The following ZBTB8A variants were observed in gnomAD, a reference collection of about 807,000 sequenced individuals.
The protein encoded by ZBTB8A is zinc finger and BTB domain containing 8A.
Under a neutral mutation model 37.8 loss-of-function variants are expected in ZBTB8A, and 19 were observed. The observed-to-expected ratio is 0.50, with a 90% CI of 0.35 to 0.74. ZBTB8A has a LOEUF of 0.74. Among genes scored for constraint, ZBTB8A ranks in the 30% least tolerant of loss-of-function variants. ZBTB8A has a pLI of 0.01. For synonymous variants in ZBTB8A, 181 were observed against 185.2 expected, an observed-to-expected ratio of 0.98 and a Z score of 0.19; for missense variants, 394 against 537.8, an observed-to-expected ratio of 0.73 and a Z score of 2.65.
chr1:32,576,440 T>A (rs540458884), intron 2 of ZBTB8A, among the ~76,000 whole-genome samples: 4 of 152,330 alleles, frequency 2.6e-5, no homozygotes, highest in South Asian at 4.1e-4. Context: ...GTTCATTTTT[T>A]TTTCTTTGAG....
At chr1:32,595,377 C>T (rs1467958252) in intron 4 of ZBTB8A, among the ~76,000 whole-genome samples, 154 bp downstream of exon 4, 1 of 152,044 alleles carries the variant, frequency 6.6e-6, no homozygotes, top group Non-Finnish European at 1.5e-5. Context: ...AAGCAATTCT[C>T]CTGCCTCAGC....
At chr1:32,569,539 G>A (rs1470168422) in intron 2 of ZBTB8A, among the ~76,000 whole-genome samples, 3 of 151,210 alleles carry the variant, frequency 2.0e-5, no homozygotes, top group East Asian at 1.9e-4. Flanking sequence ...AACTACAGGC[G>A]CCCGTCACCA....
chr1:32,559,795 TAAG>T (rs1379791717), intron 2 of ZBTB8A, among the ~76,000 whole-genome samples: 3 of 152,128 alleles, frequency 2.0e-5, no homozygotes, highest in African/African-American at 4.8e-5. Context: ...GTGGGGCCAT[TAAG>T]AGGTGATTGG....
intron 2 of ZBTB8A, among the ~76,000 whole-genome samples, chr1:32,566,632 C>T (rs957289236): frequency 2.0e-5 from 3 of 152,208 alleles, no homozygotes; most frequent in African/African-American, 4.8e-5. Context: ...TTAATCTATA[C>T]CTCATATGGT....
chr1:32,598,047 C>G (rs1447896060), intron 4 of ZBTB8A, among the ~76,000 whole-genome samples: 1 of 151,752 alleles, frequency 6.6e-6, no homozygotes, highest in Non-Finnish European at 1.5e-5. Context: ...AGCTACTACG[C>G]CCAGCCTAAT....
chr1:32,541,648 G>A (rs1644055606), intron 1 of ZBTB8A, among the ~76,000 whole-genome samples: 1 of 152,168 alleles, frequency 6.6e-6, no homozygotes. Flanking sequence ...TGTCTAGTGA[G>A]GGCTGCTCTT....
chr1:32,569,952 C>A (rs1034893950), intron 2 of ZBTB8A, among the ~76,000 whole-genome samples: 1 of 152,150 alleles, frequency 6.6e-6, no homozygotes, highest in Non-Finnish European at 1.5e-5. Flanking sequence ...CTTAAGAAAT[C>A]TTTGTCCACC....
intron 2 of ZBTB8A, among the ~76,000 whole-genome samples, chr1:32,567,994 T>G (rs2148230075): frequency 6.6e-6 from 1 of 151,156 alleles, no homozygotes. Context: ...ACAAAAAAAT[T>G]AGCCAAGTGT....
intron 2 of ZBTB8A, among the ~76,000 whole-genome samples, chr1:32,555,586 A>G (rs527450812): frequency 6.6e-6 from 1 of 152,272 alleles, no homozygotes; most frequent in African/African-American, 2.4e-5. Context: ...TAACACTGGC[A>G]TCTTTTCCCC....
At chr1:32,566,058 C>T (rs1280773257) in intron 2 of ZBTB8A, among the ~76,000 whole-genome samples, 2 of 151,884 alleles carry the variant, frequency 1.3e-5, no homozygotes, top group Non-Finnish European at 2.9e-5. Context: ...AAAAATTAGC[C>T]AGGCGTGGTG....
intron 1 of ZBTB8A, among the ~76,000 whole-genome samples, chr1:32,541,188 C>CA (rs1241583149): frequency 3.3e-5 from 5 of 152,176 alleles, no homozygotes; most frequent in Admixed American, 1.3e-4. Context: ...CTTTTCTGCT[C>CA]AAAATTGGTC....
At chr1:32,579,553 G>A (rs1464827073) in intron 2 of ZBTB8A, among the ~76,000 whole-genome samples, 1 of 152,106 alleles carries the variant, frequency 6.6e-6, no homozygotes, top group Non-Finnish European at 1.5e-5. Flanking sequence ...CTCCTGTGAA[G>A]AGTTATTGAT....
chr1:32,577,095 G>A (rs192875082), intron 2 of ZBTB8A, among the ~76,000 whole-genome samples: 2 of 145,054 alleles, frequency 1.4e-5, no homozygotes, highest in Admixed American at 6.9e-5. Context: ...GGCTGGTCTC[G>A]ACTCTTGACC....
intron 4 of ZBTB8A, among the ~76,000 whole-genome samples, chr1:32,595,589 A>G (rs1036706267): frequency 5.0e-5 from 7 of 140,398 alleles, no homozygotes; most frequent in Non-Finnish European, 1.1e-4. Flanking sequence ...TTTTTTTTTG[A>G]GACAGGGTCT....
intron 3 of ZBTB8A, among the ~76,000 whole-genome samples, chr1:32,594,784 A>T (rs938590506): frequency 6.6e-6 from 1 of 151,668 alleles, no homozygotes; most frequent in Admixed American, 6.6e-5. Context: ...AAAAAAAAGC[A>T]TAGCAGTCTG....
In ZBTB8A at chr1:32,593,453, A is replaced by C. The variant is rs763891267; in HGVS notation, c.522A>C (p.Ile174=). 4 of 1,613,844 alleles carry C rather than the reference A, an allele frequency of 2.5e-6. No individual in the cohort carries two copies. In the South Asian group the frequency reaches 4.4e-5, roughly 18 times the overall value. Residue 174 remains isoleucine (I), a synonymous_variant, in exon 3 of 5, where the codon ATA becomes ATC. Coordinates refer to ENST00000373510, the MANE Select transcript of ZBTB8A (RefSeq NM_001040441.3). Reference sequence around the variant, plus strand: ...TAAGCCCAGAGCAAGGAACAGGTATAATAAGTGGAAAATCTTGGAATAAGT... The same window carrying C: ...TAAGCCCAGAGCAAGGAACAGGTATCATAAGTGGAAAATCTTGGAATAAGT... ...SHLSPEQGTG[I]ISGKSWNKYN...
chr1:32,584,399 C>A (rs538517692), intron 2 of ZBTB8A, among the ~76,000 whole-genome samples: 20 of 151,560 alleles, frequency 1.3e-4, no homozygotes, highest in African/African-American at 4.4e-4. Flanking sequence ...ACACTTAATA[C>A]AATTTAGCAC....
At position 32,595,066 on chromosome 1, in the gene ZBTB8A, G is replaced by A. The variant is rs768744678; in HGVS notation, c.836G>A (p.Arg279Gln). 4.7e-5 allele frequency: 76 copies of A among 1,613,412 alleles called. 1 individual carries two copies. The South Asian group carries it at 6.7e-4, about 14-fold the overall frequency. ...CGTCTCTTGACAGATGATCTGCCTCGGATGCGATTCAAGTGCCCGTACTGC... is the reference window on the plus strand; with the variant it reads ...CGTCTCTTGACAGATGATCTGCCTCAGATGCGATTCAAGTGCCCGTACTGC... ...TSKSFPDDLP[R>Q]MRFKCPYCTH... The change falls in exon 4 of 5, where the codon CGG (arginine) becomes CAG (glutamine). Residue 279 changes from arginine to glutamine, a missense_variant. This residue lies in a region of ZBTB8A where 171 missense variants were observed against 186.8 expected (regional missense o/e 0.92). Transcript: ENST00000373510.
chr1:32,560,076 G>A (rs1283252592), intron 2 of ZBTB8A, among the ~76,000 whole-genome samples: 2 of 152,024 alleles, frequency 1.3e-5, no homozygotes, highest in African/African-American at 2.4e-5. Context: ...GGAGGAGCAG[G>A]CATCTTCACA....
Sources: allele counts gnomAD v4.1 joint callset (sites outside exome capture counted in the v4.1 genomes callset), GRCh38; gene constraint gnomAD v4.1.1; regional missense constraint gnomAD v4.1.1; transcripts MANE v1.5; gene names NCBI Gene and HGNC (gene_info 2026-07-23, HGNC 2026-07-21).